Variants in MYO7A observed in about 807,000 individuals in gnomAD.
MYO7A encodes the protein unconventional myosin-VIIa.
Under a neutral mutation model 263.8 loss-of-function variants are expected in MYO7A, and 210 were observed. That is an observed-to-expected ratio of 0.80 (90% CI 0.71 to 0.89). The LOEUF is 0.89. MYO7A is among the 40% of genes least tolerant of loss of function. The pLI, the probability that MYO7A is intolerant of heterozygous loss-of-function variation, is 0.00. For synonymous variants in MYO7A, 1,239 were observed against 1,197.3 expected (o/e 1.03, Z -0.72); for missense variants, 2,820 against 2,968.3 (o/e 0.95, Z 1.16).
intron 4 of MYO7A, among the ~76,000 whole-genome samples, chr11:77,150,604 G>A (rs1555056663): frequency 1.3e-5 from 2 of 152,150 alleles, no homozygotes; most frequent in Admixed American, 6.5e-5. Context: ...CTGGGCGAGA[G>A]GGAGGAGGCA....
intron 23 of MYO7A, 106 bp from the exon 24 acceptor site, chr11:77,181,845 C>T (rs113426562): frequency 0.037 from 33,896 of 915,570 alleles, 783 homozygotes; most frequent in Non-Finnish European, 0.048. Context: ...AGTGCAGTAG[C>T]GTGATCACAG....
rs782681743 is a variant in MYO7A at position 77,160,224 on chromosome 11, C to T, written c.1142C>T (p.Thr381Met). ...CGCACCCTCATCACCCGCGGGGAGA[C>T]GGTGTCCACCCCACTGAGCAGGGAA... Reference protein sequence around the residue: ...TSRTLITRGETVSTPLSREQA... With the variant: ...TSRTLITRGEMVSTPLSREQA... The change falls in exon 11 of 49, where the codon ACG becomes ATG. Residue 381 changes from threonine (T) to methionine (M), a missense_variant. Physicochemically the swap from Thr to Met is moderately conservative, Grantham distance 81 (BLOSUM62 -1). Coordinates refer to ENST00000409709, the MANE Select transcript of MYO7A (RefSeq NM_000260.4). 9.5e-6 allele frequency: 15 copies of T among 1,581,324 alleles called. No homozygotes were observed. The East Asian group carries it at 2.1e-4, about 22-fold the overall frequency.
At chr11:77,181,073 A>G (rs182902030) in intron 22 of MYO7A, among the ~76,000 whole-genome samples, 123 of 152,348 alleles carry the variant, frequency 8.1e-4, no homozygotes, top group African/African-American at 2.9e-3. Flanking sequence ...CTATTGGGCA[A>G]CACTGGTCTA....
intron 2 of MYO7A, among the ~76,000 whole-genome samples, chr11:77,133,165 G>T (rs1950815038): frequency 6.6e-6 from 1 of 152,186 alleles, no homozygotes; most frequent in Non-Finnish European, 1.5e-5. Context: ...CTGGGAGAGG[G>T]TGGACAGGGA....
At chr11:77,210,991 G>A (rs780763734) in intron 44 of MYO7A, 161 bp from the exon 45 acceptor site, 68 of 658,982 alleles carry the variant, frequency 1.0e-4, no homozygotes, top group African/African-American at 7.5e-4. Context: ...GTCCTGTGCC[G>A]TATCCCCTGG....
In MYO7A at chr11:77,138,703, G is replaced by A. The variant is rs1239742400; in HGVS notation, c.19-4006G>A. Among the ~76,000 whole-genome samples the A allele has an allele frequency of 2.0e-5, 3 of 152,178 alleles. No individual in the cohort carries two copies. Among genetic ancestry groups the A allele is most frequent in the African/African-American group, 7.2e-5 (3 of 41,456 alleles). ...CTGCATTTGCTGAGATCCAGAGCAG[G>A]GAGCACCTCCAGGTGCACAGAGGGA... On this transcript the variant is annotated intron_variant, in intron 2 of 48. Transcript: ENST00000409709. This position sits in a 1 kb window ranked among gnomAD's most constrained non-coding sequence, Gnocchi z 4.9.
intron 4 of MYO7A, among the ~76,000 whole-genome samples, chr11:77,153,308 G>A (rs1456689180): frequency 1.3e-5 from 2 of 152,096 alleles, no homozygotes; most frequent in Non-Finnish European, 2.9e-5. Context: ...GGATGTGATG[G>A]TGCTGTTGGT....
At chr11:77,153,852 C>A (rs1952201217) in intron 4 of MYO7A, among the ~76,000 whole-genome samples, 1 of 152,252 alleles carries the variant, frequency 6.6e-6, no homozygotes, top group South Asian at 2.1e-4. Flanking sequence ...CCCTCACACC[C>A]CAGCCTCCCC....
At chr11:77,174,323 C>T (rs1051325834) in intron 16 of MYO7A, among the ~76,000 whole-genome samples, 7 of 152,174 alleles carry the variant, frequency 4.6e-5, no homozygotes, top group Non-Finnish European at 1.0e-4. Flanking sequence ...GCAGAGCACC[C>T]CTCACCTGCA....
chr11:77,177,744 A>T, intron 19 of MYO7A, 101 bp downstream of exon 19: 1 of 934,710 alleles, frequency 1.1e-6, no homozygotes, highest in East Asian at 2.6e-5. Flanking sequence ...CTAGGAAAAA[A>T]ACGTGTTCAC....
chr11:77,177,188 A>G (rs1471778375), intron 18 of MYO7A, among the ~76,000 whole-genome samples: 1 of 152,206 alleles, frequency 6.6e-6, no homozygotes, highest in Non-Finnish European at 1.5e-5. Context: ...GAATGGCAAC[A>G]GCCCAGCCCA....
intron 16 of MYO7A, 95 bp downstream of exon 16, chr11:77,172,980 G>C: frequency 1.4e-6 from 2 of 1,447,286 alleles, no homozygotes; most frequent in Non-Finnish European, 1.8e-6. Context: ...AAGGATGTGA[G>C]ACTTTGTCCC....
intron 2 of MYO7A, among the ~76,000 whole-genome samples, chr11:77,132,928 G>A (rs1277169917): frequency 6.6e-5 from 10 of 152,208 alleles, no homozygotes; most frequent in Non-Finnish European, 8.8e-5. Context: ...AGAGCGGGTC[G>A]GCTCCCGGGG....
At chr11:77,193,938 C>G in intron 31 of MYO7A, 1 of 453,206 alleles carries the variant, frequency 2.2e-6, no homozygotes. Flanking sequence ...ACTTCCCTCA[C>G]TCTGACCCTG....
intron 15 of MYO7A, among the ~76,000 whole-genome samples, chr11:77,167,909 C>T (rs1034023975): frequency 6.6e-6 from 1 of 152,124 alleles, no homozygotes; most frequent in Non-Finnish European, 1.5e-5. Context: ...GTAGGCTGGC[C>T]GACTGCTGGG....
At position 77,208,725 on chromosome 11, in the gene MYO7A, G is replaced by A; in HGVS notation, c.5973G>A (p.Val1991=). The change falls in exon 44 of 49, where the codon GTG becomes GTA. Residue 1991 remains valine, a synonymous_variant. Coordinates refer to ENST00000409709, the MANE Select transcript of MYO7A (RefSeq NM_000260.4). ...DGIVPSLTYQ[V]FFMKKLWTTT... The stretch of plus-strand genomic sequence containing the variant: ...TTGTGCCCTCACTCACCTACCAGGT[G>A]TTCTTCATGAAGAAGCTGTGGACCA... 3 of 1,587,460 alleles carry A rather than the reference G, an allele frequency of 1.9e-6. No individual in the cohort carries two copies. Among genetic ancestry groups the A allele is most frequent in the Non-Finnish European group, 2.6e-6 (3 of 1,166,568 alleles).
chr11:77,180,480 A>G lies in MYO7A; in HGVS notation c.2693A>G (p.Gln898Arg). 6.2e-7 allele frequency: 1 copy of G among 1,611,530 alleles called. No homozygotes were observed. Among genetic ancestry groups the G allele is most frequent in the Non-Finnish European group, 8.5e-7 (1 of 1,179,266 alleles). ...KAKEEAERKHQERLAQLARED... is the reference protein window; with the variant it reads ...KAKEEAERKHRERLAQLARED... ...AAGGAGGAGGCCGAGCGCAAGCATC[A>G]GGTGAGCTGAGAGCCTCCAGGCACC... The change falls in exon 22 of 49, where the codon CAG (glutamine) becomes CGG (arginine). Residue 898 changes from glutamine (Q) to arginine (R), a missense_variant and splice_region_variant. Gln to Arg is a conservative substitution (Grantham distance 43). Coordinates refer to ENST00000409709, the MANE Select transcript of MYO7A (RefSeq NM_000260.4).
intron 9 of MYO7A, among the ~76,000 whole-genome samples, chr11:77,158,836 C>A (rs571776412): frequency 6.6e-6 from 1 of 152,342 alleles, no homozygotes; most frequent in East Asian, 1.9e-4. Context: ...CGTGTTCACT[C>A]ATCTAACATT....
In MYO7A at chr11:77,211,322, T is replaced by C; in HGVS notation, c.6222T>C (p.Pro2074=). Residue 2074 remains proline (P), a synonymous_variant, in exon 45 of 49, where the codon CCT becomes CCC. Transcript: ENST00000409709. ...VPQDLIRQVS[P]DDWKRSIVAY... is the part of the protein sequence containing the mutation. ...AGGACCTTATCCGGCAGGTCTCACC[T>C]GATGACTGGAAGCGGGTGAGCATGG... 5 of 1,582,012 alleles carry C rather than the reference T, an allele frequency of 3.2e-6. No homozygotes were observed. Among genetic ancestry groups the C allele is most frequent in the Non-Finnish European group, 4.3e-6 (5 of 1,164,346 alleles).
Sources: gnomAD v4.1 joint callset for allele counts (sites outside exome capture counted in the v4.1 genomes callset) on GRCh38, gnomAD v4.1.1 for gene constraint, Gnocchi (gnomAD v3.1) non-coding constraint, MANE v1.5 for transcripts, NCBI Gene and HGNC (gene_info 2026-07-23, HGNC 2026-07-21) for gene names.